RABGAP1L: variants seen among roughly 807,000 people sequenced by gnomAD.
RABGAP1L encodes the protein RAB GTPase activating protein 1 like.
In RABGAP1L, 63 loss-of-function variants were observed where a neutral mutation model predicts 137.7. The observed-to-expected ratio is 0.46, with a 90% confidence interval of 0.37 to 0.56. The LOEUF (loss-of-function observed/expected upper bound fraction) is 0.56, where lower values mean the gene tolerates loss of function less well. Ranked by LOEUF, RABGAP1L falls within the 20% of genes least tolerant of loss-of-function variation. The pLI is 0.00. For synonymous variants in RABGAP1L, 431 were observed against 433.7 expected (o/e 0.99, Z 0.08); for missense variants, 1,095 against 1,244.0 (o/e 0.88, Z 1.80).
At chr1:174,680,710 G>A (rs1463636443) in intron 14 of RABGAP1L, among the ~76,000 whole-genome samples, 1 of 151,962 alleles carries the variant, frequency 6.6e-6, no homozygotes, top group Non-Finnish European at 1.5e-5. Flanking sequence ...TGGGCAACAT[G>A]GCAAAACCCC....
At chr1:174,554,119 G>A (rs1557843605) in intron 13 of RABGAP1L, among the ~76,000 whole-genome samples, 3 of 152,160 alleles carry the variant, frequency 2.0e-5, no homozygotes, top group Non-Finnish European at 4.4e-5. Context: ...CCTATAGTCT[G>A]AAAATGAATT....
intron 13 of RABGAP1L, among the ~76,000 whole-genome samples, chr1:174,507,237 C>G (rs1316365455): frequency 6.6e-6 from 1 of 152,084 alleles, no homozygotes; most frequent in Non-Finnish European, 1.5e-5. Context: ...TAGTATAGTA[C>G]TGTTTTAAAA....
intron 14 of RABGAP1L, among the ~76,000 whole-genome samples, chr1:174,669,856 A>G (rs1317194291): frequency 2.0e-5 from 3 of 152,062 alleles, no homozygotes; most frequent in South Asian, 4.1e-4. Context: ...TTTTATGCCA[A>G]TCCCATGCTG....
intron 19 of RABGAP1L, chr1:174,892,638 A>G: frequency 1.9e-6 from 1 of 534,266 alleles, no homozygotes; most frequent in Non-Finnish European, 3.8e-6. Context: ...TTATTTGATG[A>G]GGCTGCTAAA....
chr1:174,882,324 G>A (rs1008473611), intron 19 of RABGAP1L, among the ~76,000 whole-genome samples: 3 of 152,088 alleles, frequency 2.0e-5, no homozygotes, highest in Non-Finnish European at 2.9e-5. Flanking sequence ...GTAAAAATCC[G>A]ATTAAATACA....
chr1:174,317,509 T>C (rs1271870634), intron 11 of RABGAP1L, among the ~76,000 whole-genome samples: 1 of 152,096 alleles, frequency 6.6e-6, no homozygotes, highest in Admixed American at 6.5e-5. Flanking sequence ...AGAGCTGGTA[T>C]CCAAGATGTA....
chr1:174,859,829 T>C (rs1649969380), intron 19 of RABGAP1L, among the ~76,000 whole-genome samples: 1 of 148,610 alleles, frequency 6.7e-6, no homozygotes, highest in South Asian at 2.1e-4. Flanking sequence ...ATCCTACACA[T>C]GTACCCCTGA....
chr1:174,436,758 G>T (rs1297343508), intron 13 of RABGAP1L, among the ~76,000 whole-genome samples: 1 of 152,108 alleles, frequency 6.6e-6, no homozygotes, highest in Non-Finnish European at 1.5e-5. Flanking sequence ...CTCAGAATGG[G>T]CAGACTGCCT....
intron 12 of RABGAP1L, among the ~76,000 whole-genome samples, chr1:174,385,198 A>C (rs2149057791): frequency 6.6e-6 from 1 of 152,318 alleles, no homozygotes; most frequent in African/African-American, 2.4e-5. Flanking sequence ...GCAGAGGGTG[A>C]CATGTGATCG....
chr1:174,813,390 C>G (rs965713102), intron 19 of RABGAP1L, among the ~76,000 whole-genome samples: 3 of 152,144 alleles, frequency 2.0e-5, no homozygotes, highest in Non-Finnish European at 4.4e-5. Flanking sequence ...AACTACGCAA[C>G]TAGGAGATAA....
At chr1:174,236,564 T>G (rs926842508) in intron 4 of RABGAP1L, among the ~76,000 whole-genome samples, 2 of 151,758 alleles carry the variant, frequency 1.3e-5, no homozygotes, top group Non-Finnish European at 2.9e-5. Context: ...TCAGTTTCCA[T>G]GTAGTTGAGT....
chr1:174,567,897 G>A (rs562514509), intron 13 of RABGAP1L, among the ~76,000 whole-genome samples: 33 of 152,226 alleles, frequency 2.2e-4, no homozygotes, highest in African/African-American at 5.8e-4. Context: ...CAGCATTGCC[G>A]TATATTTACT....
intron 12 of RABGAP1L, among the ~76,000 whole-genome samples, chr1:174,378,379 T>C (rs374050218): frequency 0.33 from 48,207 of 145,892 alleles, 9,290 homozygotes; most frequent in African/African-American, 0.59. Context: ...CCACAATGGT[T>C]GAACTAGTTT....
chr1:174,741,914 C>A lies in RABGAP1L; in HGVS notation c.2170-10399C>A, dbSNP rs1393637949. Among the ~76,000 whole-genome samples the A allele has an allele frequency of 2.0e-5, 3 of 146,582 alleles. 1 individual carries two copies. Among genetic ancestry groups the A allele is most frequent in the Admixed American group, 2.0e-4 (3 of 14,706 alleles). ...ATTAGCCAGGCATGGTGGCATGCGC[C>A]TATAGACCCAGCTACTTGGGAGGCT... On this transcript the variant is annotated intron_variant, in intron 17 of 25. Coordinates refer to ENST00000681986, the MANE Select transcript of RABGAP1L (RefSeq NM_001366446.1).
intron 13 of RABGAP1L, among the ~76,000 whole-genome samples, chr1:174,509,772 T>C (rs1429285204): frequency 6.6e-6 from 1 of 152,210 alleles, no homozygotes; most frequent in African/African-American, 2.4e-5. Context: ...AATCATTCTC[T>C]AGTCCATCTA....
chr1:174,488,370 C>T (rs1659878383), intron 13 of RABGAP1L, among the ~76,000 whole-genome samples: 1 of 151,910 alleles, frequency 6.6e-6, no homozygotes, highest in Non-Finnish European at 1.5e-5. Flanking sequence ...TCTCCTGGCC[C>T]ATAAGGTTTC....
chr1:174,651,535 T>A (rs1675488533), intron 14 of RABGAP1L, among the ~76,000 whole-genome samples: 2 of 152,174 alleles, frequency 1.3e-5, no homozygotes, highest in African/African-American at 4.8e-5. Flanking sequence ...TGGGTGCATA[T>A]ATATTTAGGA....
At chr1:174,466,873 C>A (rs1188709579) in intron 13 of RABGAP1L, among the ~76,000 whole-genome samples, 2 of 152,152 alleles carry the variant, frequency 1.3e-5, no homozygotes, top group Non-Finnish European at 2.9e-5. Flanking sequence ...CACTTGTTAC[C>A]TGTGTAATAC....
At position 174,350,311 on chromosome 1, in the gene RABGAP1L, G is replaced by A. The variant is rs1451707104; in HGVS notation, c.1466-20668G>A. On this transcript the variant is annotated intron_variant, in intron 11 of 25. Transcript: ENST00000681986. Reference sequence around the variant, plus strand: ...TTCTCAGACGGGGCAGCTGCCGGGCGGAGGGGCTCCTCACTTCTCAGACGG... The same window carrying A: ...TTCTCAGACGGGGCAGCTGCCGGGCAGAGGGGCTCCTCACTTCTCAGACGG... Among the ~76,000 whole-genome samples the A allele has an allele frequency of 2.7e-4, 26 of 97,698 alleles. No homozygotes were observed. The South Asian group carries it at 7.1e-3, about 27-fold the overall frequency. The allele number at this position is 97,698 out of a possible 152,430, so 64.1% of individuals were successfully genotyped here.
Sources: allele counts gnomAD v4.1 joint callset (sites outside exome capture counted in the v4.1 genomes callset), GRCh38; gene constraint gnomAD v4.1.1; transcripts MANE v1.5; gene names NCBI Gene and HGNC (gene_info 2026-07-23, HGNC 2026-07-21).